SLC16A10: variants seen among roughly 807,000 people sequenced by gnomAD.
SLC16A10 encodes the protein solute carrier family 16 member 10, also known as monocarboxylate transporter 10.
SLC16A10 carries 27 observed loss-of-function variants against 40.0 expected under a neutral mutation model. That is an observed-to-expected ratio of 0.67 (90% CI 0.50 to 0.93). The LOEUF is 0.93. Among genes scored for constraint, SLC16A10 ranks in the 40% least tolerant of loss-of-function variants. The probability of loss-of-function intolerance (pLI) is 0.00; values close to 1 mark genes in which losing one functional copy is unlikely to be tolerated. For synonymous variants in SLC16A10, 213 were observed against 249.8 expected (o/e 0.85, Z 1.39); for missense variants, 529 against 658.2 (o/e 0.80, Z 2.15).
chr6:111,087,945 C>G lies in SLC16A10; in HGVS notation c.193C>G (p.Pro65Ala). Reference protein sequence around the residue: ...TAEPHEPPEPPEGGWGWLVML... With the variant: ...TAEPHEPPEPAEGGWGWLVML... ...GGAGCCCCATGAGCCCCCCGAACCC[C>G]CCGAGGGCGGCTGGGGCTGGCTGGT... Residue 65 changes from proline (P) to alanine (A), a missense_variant, in exon 1 of 6, where the codon CCC (proline) becomes GCC (alanine). Pro to Ala is a conservative substitution (Grantham distance 27, BLOSUM62 -1). Coordinates refer to ENST00000368851, the MANE Select transcript of SLC16A10 (RefSeq NM_018593.5). 6.2e-7 allele frequency: 1 copy of G among 1,610,012 alleles called. No homozygotes were observed. Among genetic ancestry groups the G allele is most frequent in the Non-Finnish European group, 8.5e-7 (1 of 1,178,588 alleles).
chr6:111,193,182 C>A, intron 3 of SLC16A10: 1 of 461,018 alleles, frequency 2.2e-6, no homozygotes, highest in Non-Finnish European at 2.9e-6. Flanking sequence ...ATGATTAAGA[C>A]ACCTTCTCTC....
At chr6:111,150,706 G>A (rs956440130) in intron 1 of SLC16A10, among the ~76,000 whole-genome samples, 5 of 152,160 alleles carry the variant, frequency 3.3e-5, no homozygotes, top group African/African-American at 9.7e-5. Flanking sequence ...TTCTACCAAA[G>A]GCCTCAATCA....
At chr6:111,212,500 A>G (rs1019473574) in intron 4 of SLC16A10, among the ~76,000 whole-genome samples, 16 of 152,124 alleles carry the variant, frequency 1.1e-4, no homozygotes, top group African/African-American at 3.9e-4. Flanking sequence ...TAATAATTCT[A>G]AATATTGAGT....
chr6:111,165,012 CT>C (rs1187334376), intron 1 of SLC16A10, among the ~76,000 whole-genome samples: 2 of 152,068 alleles, frequency 1.3e-5, no homozygotes, highest in African/African-American at 2.4e-5. Flanking sequence ...AATTAGAGCT[CT>C]TTTTTATACA....
At chr6:111,175,957 A>G (rs1235684340) in intron 2 of SLC16A10, among the ~76,000 whole-genome samples, 1 of 152,082 alleles carries the variant, frequency 6.6e-6, no homozygotes, top group East Asian at 1.9e-4. Context: ...GGCCACCCAA[A>G]GTGTTGGGAT....
intron 1 of SLC16A10, among the ~76,000 whole-genome samples, chr6:111,150,381 C>G (rs1772152463): frequency 6.6e-6 from 1 of 152,048 alleles, no homozygotes; most frequent in Non-Finnish European, 1.5e-5. Flanking sequence ...GTTATGGCAG[C>G]AAAAAACAGA....
At chr6:111,159,497 A>G (rs1160265278) in intron 1 of SLC16A10, among the ~76,000 whole-genome samples, 1 of 152,238 alleles carries the variant, frequency 6.6e-6, no homozygotes. Context: ...ATTCCATTAC[A>G]TAGATATACC....
Position 111,224,804 on chromosome 6 carries a change from T to C in SLC16A10, c.*2569T>C, listed in dbSNP as rs1770961332. The C allele has an allele frequency of 6.6e-6, 1 of 152,250 alleles. No homozygotes were observed. The allele number at this position is 152,250 out of a possible 1,614,324, so 9.4% of individuals were successfully genotyped here. On this transcript the variant is annotated 3_prime_UTR_variant, in exon 6 of 6. Coordinates refer to ENST00000368851, the MANE Select transcript of SLC16A10 (RefSeq NM_018593.5). ...AACTAAATCCTTTCTAATTTCTGAA[T>C]GAAGTGTTACTGCTGCAATAAAGTG...
At chr6:111,114,827 G>A (rs1771456903) in intron 1 of SLC16A10, among the ~76,000 whole-genome samples, 1 of 152,092 alleles carries the variant, frequency 6.6e-6, no homozygotes, top group South Asian at 2.1e-4. Flanking sequence ...AGTGCTTTCA[G>A]TATTTCATAA....
intron 1 of SLC16A10, among the ~76,000 whole-genome samples, chr6:111,151,413 T>A (rs1260070893): frequency 1.3e-5 from 2 of 152,190 alleles, no homozygotes; most frequent in African/African-American, 2.4e-5. Flanking sequence ...TTCATCTTTT[T>A]TAATCTAATG....
chr6:111,090,897 A>G (rs1211617131), intron 1 of SLC16A10, among the ~76,000 whole-genome samples: 1 of 152,194 alleles, frequency 6.6e-6, no homozygotes, highest in African/African-American at 2.4e-5. Flanking sequence ...GAGTACAGCT[A>G]GTTCTGTCTC....
chr6:111,196,153 A>G (rs554676769), intron 3 of SLC16A10, among the ~76,000 whole-genome samples: 16 of 152,336 alleles, frequency 1.1e-4, no homozygotes, highest in African/African-American at 3.1e-4. Flanking sequence ...ACTGGCCAAC[A>G]TGGCGAAACC....
chr6:111,165,862 G>T (rs1772462847), intron 1 of SLC16A10, among the ~76,000 whole-genome samples: 1 of 152,206 alleles, frequency 6.6e-6, no homozygotes, highest in African/African-American at 2.4e-5. Flanking sequence ...TTGAACCTGG[G>T]CTTCCATTGT....
chr6:111,136,790 C>T (rs1421484129), intron 1 of SLC16A10, among the ~76,000 whole-genome samples: 3 of 152,174 alleles, frequency 2.0e-5, no homozygotes, highest in Non-Finnish European at 4.4e-5. Context: ...TGAAAGTAAT[C>T]CTCTGACTCC....
intron 1 of SLC16A10, among the ~76,000 whole-genome samples, chr6:111,116,244 G>GTC (rs1771484516): frequency 6.6e-6 from 1 of 151,630 alleles, no homozygotes; most frequent in Admixed American, 6.6e-5. Context: ...TTGAGATGTA[G>GTC]TCTCTCTCTG....
At chr6:111,094,036 A>C (rs1771029506) in intron 1 of SLC16A10, among the ~76,000 whole-genome samples, 1 of 152,212 alleles carries the variant, frequency 6.6e-6, no homozygotes, top group South Asian at 2.1e-4. Context: ...ATGGAATTAA[A>C]AATTAATAAT....
chr6:111,111,414 A>C (rs1451196336), intron 1 of SLC16A10, among the ~76,000 whole-genome samples: 4 of 152,010 alleles, frequency 2.6e-5, no homozygotes, highest in Non-Finnish European at 5.9e-5. Context: ...ACTCTCTTTA[A>C]ATTTTTCAAG....
rs1289563131 is a variant in SLC16A10 at position 111,092,328 on chromosome 6, T to TTC, written c.343+4234_343+4235insCT. Among the ~76,000 whole-genome samples the TTC allele has an allele frequency of 7.9e-3, 1,155 of 146,296 alleles. 8 individuals are homozygous for TTC. The highest frequency in any genetic ancestry group is 0.028 in the African/African-American group (1,103 of 39,226). On this transcript the variant is annotated intron_variant, in intron 1 of 5. Coordinates refer to ENST00000368851, the MANE Select transcript of SLC16A10 (RefSeq NM_018593.5). ...TCTTTTTTTGTTGTTTTTTTTTTTT[T>TTC]TTTTTTTTTGAGACAGATTCTCACT... is the stretch of plus-strand genomic sequence containing the variant.
At chr6:111,109,421 A>G (rs1394915025) in intron 1 of SLC16A10, among the ~76,000 whole-genome samples, 1 of 145,356 alleles carries the variant, frequency 6.9e-6, no homozygotes, top group East Asian at 2.0e-4. Context: ...CTTTTTTATT[A>G]CTAAGTAGTA....
Sources: gnomAD v4.1 joint callset for allele counts (sites outside exome capture counted in the v4.1 genomes callset) on GRCh38, gnomAD v4.1.1 for gene constraint, MANE v1.5 for transcripts, NCBI Gene and HGNC (gene_info 2026-07-23, HGNC 2026-07-21) for gene names.